Variants in KLRG1 observed in about 807,000 individuals in gnomAD.
KLRG1 encodes the protein killer cell lectin-like receptor subfamily G member 1.
In KLRG1, 16 loss-of-function variants were observed where a neutral mutation model predicts 21.8. The observed-to-expected ratio is 0.73, with a 90% confidence interval of 0.50 to 1.11. The LOEUF is 1.11. KLRG1 is among the 50% of genes most tolerant of loss of function. The pLI, the probability that KLRG1 is intolerant of heterozygous loss-of-function variation, is 0.00. For synonymous variants in KLRG1, 69 were observed against 75.9 expected (o/e 0.91, Z 0.47); for missense variants, 173 against 218.3 (o/e 0.79, Z 1.31).
chr12:9,146,261 G>C, the KLRG1 span, among the ~76,000 whole-genome samples: 1 of 151,024 alleles, frequency 6.6e-6, no homozygotes, highest in East Asian at 1.9e-4. Context: ...CCAATGACTG[G>C]TGTTCAAATT....
At chr12:9,049,988 C>T in the KLRG1 span, among the ~76,000 whole-genome samples, 4 of 152,106 alleles carry the variant, frequency 2.6e-5, no homozygotes, top group East Asian at 1.9e-4. Flanking sequence ...TGCATAACTA[C>T]GCTGGGAACA....
the KLRG1 span, among the ~76,000 whole-genome samples, chr12:9,127,039 T>G: frequency 1.3e-5 from 2 of 152,206 alleles, no homozygotes; most frequent in African/African-American, 4.8e-5. Flanking sequence ...ATGGACACAC[T>G]CAGCTCCTAA....
the KLRG1 span, chr12:9,029,124 C>T: frequency 2.7e-6 from 1 of 368,004 alleles, no homozygotes. Context: ...AATGATGCTT[C>T]CTCGGTGGTG....
At chr12:9,095,273 A>G in the KLRG1 span, among the ~76,000 whole-genome samples, 1 of 152,354 alleles carries the variant, frequency 6.6e-6, no homozygotes, top group South Asian at 2.1e-4. Flanking sequence ...CTCTTTCAAC[A>G]GTAATTATTT....
the KLRG1 span, among the ~76,000 whole-genome samples, chr12:9,164,842 G>A: frequency 6.6e-6 from 1 of 152,210 alleles, no homozygotes; most frequent in African/African-American, 2.4e-5. Flanking sequence ...GCTGAGTTGT[G>A]TGTCAGCTTC....
chr12:9,101,459 G>A, the KLRG1 span: 6 of 1,613,360 alleles, frequency 3.7e-6, no homozygotes, highest in Non-Finnish European at 5.1e-6. Context: ...GATAATAGAA[G>A]GAGAGCTTCT....
the KLRG1 span, among the ~76,000 whole-genome samples, chr12:9,032,695 A>T: frequency 1.3e-5 from 2 of 152,216 alleles, no homozygotes; most frequent in African/African-American, 4.8e-5. Flanking sequence ...TTACTCCTGT[A>T]GATGACATCA....
the KLRG1 span, among the ~76,000 whole-genome samples, chr12:9,113,032 G>A: frequency 2.0e-5 from 3 of 151,766 alleles, no homozygotes; most frequent in Non-Finnish European, 2.9e-5. Flanking sequence ...CACCACGGGT[G>A]GCTCATGTTG....
At chr12:9,046,350 G>A in the KLRG1 span, among the ~76,000 whole-genome samples, 21 of 152,208 alleles carry the variant, frequency 1.4e-4, no homozygotes, top group Admixed American at 1.4e-3. Context: ...AAGTAATAAT[G>A]ACTGAGAATT....
At chr12:9,153,207 A>G in the KLRG1 span, 1 of 1,614,192 alleles carries the variant, frequency 6.2e-7, no homozygotes, top group Admixed American at 1.7e-5. Context: ...CTGCAGTAAT[A>G]GGAGGTTGTT....
the KLRG1 span, among the ~76,000 whole-genome samples, chr12:9,030,038 G>A: frequency 6.6e-6 from 1 of 152,216 alleles, no homozygotes; most frequent in African/African-American, 2.4e-5. Flanking sequence ...ACAGGTGTGA[G>A]CCACTGTGCC....
At chr12:9,151,198 C>T in the KLRG1 span, among the ~76,000 whole-genome samples, 1 of 152,132 alleles carries the variant, frequency 6.6e-6, no homozygotes, top group Non-Finnish European at 1.5e-5. Flanking sequence ...TAGGCAACCA[C>T]TGGGGTCATA....
the KLRG1 span, among the ~76,000 whole-genome samples, chr12:9,133,935 A>G: frequency 6.6e-6 from 1 of 152,218 alleles, no homozygotes; most frequent in African/African-American, 2.4e-5. Flanking sequence ...GATAAAGAAG[A>G]AGATATCCAG....
chr12:8,974,229 G>A (rs779843916), intron 1 of KLRG1, among the ~76,000 whole-genome samples: 9 of 151,296 alleles, frequency 5.9e-5, no homozygotes, highest in East Asian at 1.9e-4. Context: ...GTGCAGTGGC[G>A]CGATCTCGGC....
chr12:9,186,646 A>G, the KLRG1 span, among the ~76,000 whole-genome samples: 1 of 152,126 alleles, frequency 6.6e-6, no homozygotes, highest in African/African-American at 2.4e-5. Flanking sequence ...TGTGGCACAT[A>G]TACACCATGG....
chr12:9,204,635 T>TAC, the KLRG1 span, among the ~76,000 whole-genome samples: 3 of 152,268 alleles, frequency 2.0e-5, no homozygotes, highest in African/African-American at 7.2e-5. Context: ...AACTCCCTGC[T>TAC]ACACACACAC....
the KLRG1 span, among the ~76,000 whole-genome samples, chr12:9,088,572 G>T: frequency 1.3e-5 from 2 of 152,142 alleles, no homozygotes; most frequent in Non-Finnish European, 2.9e-5. Flanking sequence ...TTTGTAGGTA[G>T]TCAGAGAAAG....
At chr12:9,157,435 G>A in the KLRG1 span, 1 of 1,333,092 alleles carries the variant, frequency 7.5e-7, no homozygotes, top group Non-Finnish European at 1.0e-6. Context: ...TTGACAGTCA[G>A]ATGTTATTAA....
At chr12:9,014,883 TTTTA>T (rs1485189951), downstream of KLRG1, among the ~76,000 whole-genome samples, 1 of 152,146 alleles carries the variant, frequency 6.6e-6, no homozygotes, top group African/African-American at 2.4e-5. Flanking sequence ...AGTGTAGAGT[TTTTA>T]TTTGTTTTCT....
Sources: allele counts gnomAD v4.1 joint callset (sites outside exome capture counted in the v4.1 genomes callset), GRCh38; gene constraint gnomAD v4.1.1; transcripts MANE v1.5; gene names NCBI Gene and HGNC (gene_info 2026-07-23, HGNC 2026-07-21).